The following IQCM variants were observed in gnomAD, a reference collection of about 807,000 sequenced individuals.
The protein encoded by IQCM is IQ domain-containing protein M.
Under a neutral mutation model 57.6 loss-of-function variants are expected in IQCM, and 45 were observed. The ratio of observed to expected loss-of-function variants is 0.78; its 90% CI spans 0.62 to 1.00. IQCM has a LOEUF of 1.00. Ranked by LOEUF, IQCM falls within the 50% of genes least tolerant of loss-of-function variation. IQCM has a pLI of 0.00. For synonymous variants in IQCM, 148 were observed against 158.9 expected (o/e 0.93, Z 0.51); for missense variants, 468 against 511.6 (o/e 0.91, Z 0.82).
chr4:149,594,626 A>T (rs1447373295), intron 8 of IQCM, among the ~76,000 whole-genome samples: 2 of 152,158 alleles, frequency 1.3e-5, no homozygotes, highest in Non-Finnish European at 2.9e-5. Flanking sequence ...AACTGCTTTA[A>T]ATGTGTCCCA....
At chr4:149,546,340 T>G (rs187517628) in intron 12 of IQCM, among the ~76,000 whole-genome samples, 1 of 152,206 alleles carries the variant, frequency 6.6e-6, no homozygotes, top group Non-Finnish European at 1.5e-5. Flanking sequence ...TACCCAGTAA[T>G]GGGATGGCTG....
At chr4:149,661,521 C>G (rs1579899842) in intron 7 of IQCM, among the ~76,000 whole-genome samples, 2 of 152,060 alleles carry the variant, frequency 1.3e-5, no homozygotes, top group East Asian at 3.9e-4. Context: ...GTTGAAGGAG[C>G]ATTGGTTTTA....
chr4:149,699,068 C>T (rs1763560885), intron 5 of IQCM, among the ~76,000 whole-genome samples: 1 of 151,930 alleles, frequency 6.6e-6, no homozygotes, highest in African/African-American at 2.4e-5. Flanking sequence ...AAGGCAGACA[C>T]ATAACGTCAT....
chr4:149,451,806 T>C (rs1341918404), intron 12 of IQCM, among the ~76,000 whole-genome samples: 2 of 151,788 alleles, frequency 1.3e-5, no homozygotes, highest in African/African-American at 4.8e-5. Flanking sequence ...AAAAATTGTA[T>C]GTTTTCCTCT....
intron 8 of IQCM, among the ~76,000 whole-genome samples, chr4:149,617,070 C>T (rs909925555): frequency 1.3e-5 from 2 of 151,994 alleles, no homozygotes; most frequent in Admixed American, 1.3e-4. Flanking sequence ...ATTCTCCTGC[C>T]TCAGCCTCCC....
intron 11 of IQCM, among the ~76,000 whole-genome samples, chr4:149,551,265 C>T (rs1413440144): frequency 6.6e-6 from 1 of 152,172 alleles, no homozygotes; most frequent in East Asian, 1.9e-4. Context: ...CCCCCATAGT[C>T]CACCTGGCTT....
At chr4:149,699,695 CAAAAAA>C (rs34250922) in intron 5 of IQCM, among the ~76,000 whole-genome samples, 10 of 25,938 alleles carry the variant, frequency 3.9e-4, no homozygotes, top group South Asian at 2.1e-3. Context: ...GTTTGAGTGG[CAAAAAA>C]AAAAAAAAAA....
intron 12 of IQCM, among the ~76,000 whole-genome samples, chr4:149,512,678 G>A (rs924278028): frequency 3.9e-5 from 6 of 152,122 alleles, no homozygotes; most frequent in African/African-American, 1.4e-4. Context: ...TGCTGACTGG[G>A]TGAACCCCAG....
chr4:149,443,274 A>T (rs1047932691), intron 12 of IQCM, among the ~76,000 whole-genome samples: 5 of 152,048 alleles, frequency 3.3e-5, no homozygotes, highest in Non-Finnish European at 5.9e-5. Context: ...TTTTGCAGCA[A>T]CATCTAGATT....
intron 13 of IQCM, among the ~76,000 whole-genome samples, chr4:149,379,957 G>A (rs752305372): frequency 3.2e-4 from 49 of 152,104 alleles, no homozygotes; most frequent in Non-Finnish European, 2.5e-4. Context: ...TCTCATGGTG[G>A]TGAATAAGTC....
chr4:149,678,702 T>C (rs1761951839), intron 7 of IQCM, among the ~76,000 whole-genome samples: 1 of 151,210 alleles, frequency 6.6e-6, no homozygotes, highest in South Asian at 2.1e-4. Context: ...TAAAGACAAA[T>C]CTAGCAACAA....
At chr4:149,711,902 T>A (rs1488002431) in intron 5 of IQCM, among the ~76,000 whole-genome samples, 4 of 152,206 alleles carry the variant, frequency 2.6e-5, no homozygotes, top group African/African-American at 9.6e-5. Flanking sequence ...AGTAAGCATA[T>A]AAAACGCTTT....
chr4:149,452,552 T>C (rs1737232602), intron 12 of IQCM, among the ~76,000 whole-genome samples: 1 of 151,588 alleles, frequency 6.6e-6, no homozygotes, highest in East Asian at 1.9e-4. Context: ...TAAATTGATA[T>C]TTGACAATAG....
intron 2 of IQCM, among the ~76,000 whole-genome samples, chr4:149,745,477 T>C (rs1175063984): frequency 6.6e-6 from 1 of 152,200 alleles, no homozygotes; most frequent in Non-Finnish European, 1.5e-5. Flanking sequence ...TGACCTACCT[T>C]CTCACATTTC....
At position 149,528,536 on chromosome 4, in the gene IQCM, C is replaced by T. The variant is rs1746410451; in HGVS notation, c.1228+19919G>A. 3.3e-5 allele frequency among the ~76,000 whole-genome samples: 5 copies of T among 152,276 alleles called. No homozygotes were observed. The South Asian group carries it at 1.0e-3, about 32-fold the overall frequency. Reference sequence around the variant, plus strand: ...CTGAAAAGATGAGGTAAAATGTAATCATCCAATTGCCTTGGAGAGCTCTGA... The same window carrying T: ...CTGAAAAGATGAGGTAAAATGTAATTATCCAATTGCCTTGGAGAGCTCTGA... On this transcript the variant is annotated intron_variant, in intron 12 of 13. Transcript: ENST00000636793.
chr4:149,613,566 T>G (rs1200109629), intron 8 of IQCM, among the ~76,000 whole-genome samples: 1 of 152,118 alleles, frequency 6.6e-6, no homozygotes, highest in Non-Finnish European at 1.5e-5. Flanking sequence ...AATTCCTGTT[T>G]TCACTTTTTT....
intron 13 of IQCM, among the ~76,000 whole-genome samples, chr4:149,355,289 A>AC (rs1728880574): frequency 1.3e-5 from 2 of 152,064 alleles, no homozygotes; most frequent in Admixed American, 1.3e-4. Context: ...CATGTACAGA[A>AC]CGTGCAGGTT....
chr4:149,402,332 T>C (rs1732672497), intron 13 of IQCM, among the ~76,000 whole-genome samples: 1 of 151,684 alleles, frequency 6.6e-6, no homozygotes, highest in Admixed American at 6.6e-5. Context: ...GATGGGGGCC[T>C]AAGGTCACAA....
intron 9 of IQCM, among the ~76,000 whole-genome samples, chr4:149,583,304 T>C (rs1278082466): frequency 6.6e-6 from 1 of 151,556 alleles, no homozygotes; most frequent in Non-Finnish European, 1.5e-5. Context: ...TAAATTTAAA[T>C]GTTAACACTT....
Sources: allele counts gnomAD v4.1 joint callset (sites outside exome capture counted in the v4.1 genomes callset), GRCh38; gene constraint gnomAD v4.1.1; transcripts MANE v1.5; gene names NCBI Gene and HGNC (gene_info 2026-07-23, HGNC 2026-07-21).